CDC42BPA: variants seen among roughly 807,000 people sequenced by gnomAD.
CDC42BPA encodes the protein CDC42 binding protein kinase alpha, also known as serine/threonine-protein kinase MRCK alpha.
Under a neutral mutation model 223.5 loss-of-function variants are expected in CDC42BPA, and 80 were observed. That is an observed-to-expected ratio of 0.36 (90% CI 0.30 to 0.43). The LOEUF (loss-of-function observed/expected upper bound fraction) is 0.43. Ranked by LOEUF, CDC42BPA falls within the 20% of genes least tolerant of loss-of-function variation. CDC42BPA has a pLI of 1.00. For missense variants in CDC42BPA, 1,743 were observed against 2,099.9 expected (o/e 0.83, Z 3.32); for synonymous variants, 694 against 718.6 (o/e 0.97, Z 0.55).
At chr1:227,143,083 C>A in intron 8 of CDC42BPA, 59 bp from the exon 9 acceptor site, 4 of 1,049,862 alleles carry the variant, frequency 3.8e-6, no homozygotes, top group South Asian at 2.5e-5. Context: ...GTAGGCTTGG[C>A]TATAAATATA....
chr1:227,312,968 C>CA (rs1693781413), intron 1 of CDC42BPA, among the ~76,000 whole-genome samples: 1 of 152,130 alleles, frequency 6.6e-6, no homozygotes, highest in African/African-American at 2.4e-5. Flanking sequence ...TCCTTGTAGC[C>CA]TGCGGAACTG....
chr1:227,140,716 T>C lies in CDC42BPA; in HGVS notation c.1224-974A>G, dbSNP rs546294301. 2.5e-4 allele frequency among the ~76,000 whole-genome samples: 38 copies of C among 152,272 alleles called. No homozygotes were observed. The East Asian group carries it at 7.3e-3, about 29-fold the overall frequency. ...ACTGGTTCTGAACAGGGGAGTGACA[T>C]GTTCTGATTATCTTTTAAGAGGATC... On this transcript the variant is annotated intron_variant, in intron 9 of 36. Transcript: ENST00000366766.
chr1:227,133,100 C>CT (rs1288073558), intron 10 of CDC42BPA, among the ~76,000 whole-genome samples: 1 of 150,666 alleles, frequency 6.6e-6, no homozygotes, highest in Admixed American at 6.6e-5. Context: ...GGGTCAGCCC[C>CT]CCGCCCGGCC....
At chr1:227,003,657 A>G (rs1337108323) in intron 35 of CDC42BPA, among the ~76,000 whole-genome samples, 5 of 152,250 alleles carry the variant, frequency 3.3e-5, no homozygotes, top group South Asian at 2.1e-4. Flanking sequence ...CAGGCAGACA[A>G]TATCTTTTTA....
intron 8 of CDC42BPA, among the ~76,000 whole-genome samples, chr1:227,143,951 A>G (rs1165272253): frequency 1.3e-5 from 2 of 152,144 alleles, no homozygotes; most frequent in African/African-American, 2.4e-5. Flanking sequence ...AGTAAATATA[A>G]TTCTATTTAT....
At chr1:227,135,123 C>G (rs2149565957) in intron 10 of CDC42BPA, among the ~76,000 whole-genome samples, 1 of 152,310 alleles carries the variant, frequency 6.6e-6, no homozygotes, top group South Asian at 2.1e-4. Flanking sequence ...TAGGTCAAGC[C>G]TGGCCTTTAA....
At chr1:227,132,472 G>A (rs60895839) in intron 10 of CDC42BPA, among the ~76,000 whole-genome samples, 2,444 of 136,364 alleles carry the variant, frequency 0.018, 140 homozygotes, top group African/African-American at 0.064. Flanking sequence ...GCGTGATCTC[G>A]GCTCGCTACA....
intron 35 of CDC42BPA, among the ~76,000 whole-genome samples, chr1:227,003,840 C>CA (rs776989591): frequency 4.6e-5 from 7 of 151,128 alleles, no homozygotes; most frequent in African/African-American, 9.8e-5. Flanking sequence ...AACAAACAAA[C>CA]AAAAAAAACG....
chr1:227,028,939 C>T lies in CDC42BPA; in HGVS notation c.4150G>A (p.Val1384Ile), dbSNP rs1444828772. Residue 1384 changes from valine to isoleucine, a missense_variant, in exon 30 of 37, where the codon GTC becomes ATC. By Grantham distance (29) the Val-to-Ile change is conservative. Around this residue, in one of 6 missense-constraint regions of CDC42BPA, gnomAD observed 678 missense variants for 777.5 expected, o/e 0.87. Coordinates refer to ENST00000366766, the MANE Select transcript of CDC42BPA (RefSeq NM_001394014.1). ...KFKEIQVPYN[V>I]QWMAIFSEQL... ...TCACTGAAGATTGCCATCCACTGGA[C>T]ATTATATGGGACTTGAATTTCTTTA... 7 of 1,614,036 alleles carry T rather than the reference C, an allele frequency of 4.3e-6. No homozygotes were observed. Among genetic ancestry groups the T allele is most frequent in the Middle Eastern group, 1.6e-4 (1 of 6,084 alleles).
At chr1:226,999,151 C>G (rs939259174) in intron 35 of CDC42BPA, among the ~76,000 whole-genome samples, 3 of 151,230 alleles carry the variant, frequency 2.0e-5, no homozygotes, top group African/African-American at 7.3e-5. Flanking sequence ...ACAACAGATT[C>G]TGGAGAGGAT....
chr1:227,070,339 G>T (rs750049695), intron 20 of CDC42BPA, among the ~76,000 whole-genome samples: 33 of 150,450 alleles, frequency 2.2e-4, no homozygotes, highest in Non-Finnish European at 7.4e-5. Flanking sequence ...TCTGATTTCA[G>T]GTATTTTTTT....
At chr1:227,310,832 A>G (rs993028230) in intron 1 of CDC42BPA, among the ~76,000 whole-genome samples, 1 of 150,084 alleles carries the variant, frequency 6.7e-6, no homozygotes, top group Non-Finnish European at 1.5e-5. Flanking sequence ...GACTACAGGC[A>G]CCCGTCACCG....
At chr1:227,091,865 A>G (rs1428679875) in intron 16 of CDC42BPA, 21 bp downstream of exon 16, 1 of 1,314,096 alleles carries the variant, frequency 7.6e-7, no homozygotes, top group South Asian at 1.3e-5. Context: ...TACTCAATTA[A>G]TATGAGATTA....
intron 2 of CDC42BPA, among the ~76,000 whole-genome samples, chr1:227,244,944 T>C (rs768287025): frequency 3.3e-5 from 5 of 152,202 alleles, no homozygotes; most frequent in Non-Finnish European, 7.3e-5. Context: ...GCTCAGCCAG[T>C]GGCCATGCTT....
At chr1:227,296,722 A>C (rs989760288) in intron 1 of CDC42BPA, among the ~76,000 whole-genome samples, 1 of 151,766 alleles carries the variant, frequency 6.6e-6, no homozygotes, top group African/African-American at 2.4e-5. Context: ...AAAAAAAAAA[A>C]AAAAAACTTT....
intron 20 of CDC42BPA, among the ~76,000 whole-genome samples, chr1:227,071,387 C>A (rs1341246801): frequency 3.3e-5 from 5 of 151,798 alleles, no homozygotes; most frequent in Admixed American, 3.3e-4. Context: ...TAAGATATCC[C>A]TTTATTTTAA....
chr1:227,073,499 GATT>G (rs1678852221), intron 19 of CDC42BPA, among the ~76,000 whole-genome samples: 1 of 151,944 alleles, frequency 6.6e-6, no homozygotes. Flanking sequence ...ATTTTCAAAT[GATT>G]ATATTTTGTT....
At chr1:227,283,927 G>A (rs56794544) in intron 1 of CDC42BPA, among the ~76,000 whole-genome samples, 1,656 of 152,196 alleles carry the variant, frequency 0.011, 33 homozygotes, top group African/African-American at 0.037. Context: ...GCATGGTGGC[G>A]CATGACTGTA....
rs771896216 is a variant in CDC42BPA at position 226,991,071 on chromosome 1, CTT to C, written c.*3195_*3196del. The C allele has an allele frequency of 6.6e-6, 1 of 152,518 alleles. No individual in the cohort carries two copies. Among genetic ancestry groups the C allele is most frequent in the Non-Finnish European group, 1.5e-5 (1 of 68,022 alleles). The allele number at this position is 152,518 out of a possible 1,614,324, so 9.4% of individuals were successfully genotyped here. A position where few individuals can be genotyped will look rare whatever the true frequency, so the allele number is the denominator to read the frequency against. ...AGCAATCATTTGACAAGAAGCAAGA[CTT>C]TTGTTTTTGGCAAAAAGAATATATA... is the stretch of plus-strand genomic sequence containing the variant. On this transcript the variant is annotated 3_prime_UTR_variant, in exon 37 of 37. Coordinates refer to ENST00000366766, the MANE Select transcript of CDC42BPA (RefSeq NM_001394014.1).
Sources: gnomAD v4.1 joint callset for allele counts (sites outside exome capture counted in the v4.1 genomes callset) on GRCh38, gnomAD v4.1.1 for gene constraint, gnomAD v4.1.1 regional missense constraint, MANE v1.5 for transcripts, NCBI Gene and HGNC (gene_info 2026-07-23, HGNC 2026-07-21) for gene names.